The following TTC28 variants were observed in gnomAD, a reference collection of about 807,000 sequenced individuals.
The protein encoded by TTC28 is tetratricopeptide repeat protein 28.
Under a neutral mutation model 198.0 loss-of-function variants are expected in TTC28, and 61 were observed. The ratio of observed to expected loss-of-function variants is 0.31; its 90% CI spans 0.25 to 0.38. TTC28 has a LOEUF of 0.38. Among genes scored for constraint, TTC28 ranks in the 10% least tolerant of loss-of-function variants. TTC28 has a pLI of 1.00. For missense variants in TTC28, 2,678 were observed against 3,164.0 expected (o/e 0.85, Z 3.69); for synonymous variants, 1,171 against 1,297.8 (o/e 0.90, Z 2.10).
At position 27,993,480 on chromosome 22, in the gene TTC28, G is replaced by C. The variant is rs868552241; in HGVS notation, c.5283C>G (p.Arg1761=). 1.3e-6 allele frequency: 2 copies of C among 1,550,566 alleles called. No homozygotes were observed. Among genetic ancestry groups the C allele is most frequent in the Middle Eastern group, 3.3e-4 (2 of 5,982 alleles). ...TCTGCTGGGATGTGTACATGGCATT[G>C]CGCTGCCCATTCTGGATGCGCTGCA... is the stretch of plus-strand genomic sequence containing the variant. The part of the protein sequence containing the change: ...KSLQRIQNGQ[R]NAMYTSQQSV... The change falls in exon 18 of 23, where the codon CGC becomes CGG. Residue 1761 remains arginine, a synonymous_variant. Coordinates refer to ENST00000397906, the MANE Select transcript of TTC28 (RefSeq NM_001145418.2).
chr22:28,612,926 G>T (rs1426365069), intron 2 of TTC28, among the ~76,000 whole-genome samples: 1 of 152,008 alleles, frequency 6.6e-6, no homozygotes, highest in Admixed American at 6.6e-5. Flanking sequence ...AAAAGAACTA[G>T]AGAAGCAAGA....
intron 5 of TTC28, among the ~76,000 whole-genome samples, chr22:28,209,569 G>A (rs548719731): frequency 1.3e-5 from 2 of 152,326 alleles, no homozygotes; most frequent in South Asian, 4.1e-4. Flanking sequence ...TGAACTGCAA[G>A]GCAGCAGCGA....
intron 6 of TTC28, among the ~76,000 whole-genome samples, chr22:28,128,160 A>C (rs887871271): frequency 3.9e-5 from 6 of 152,128 alleles, no homozygotes; most frequent in African/African-American, 1.4e-4. Context: ...TTCCTGTTAG[A>C]AAGTACAGTA....
intron 2 of TTC28, among the ~76,000 whole-genome samples, chr22:28,583,229 A>C (rs991595628): frequency 6.6e-6 from 1 of 152,232 alleles, no homozygotes; most frequent in Non-Finnish European, 1.5e-5. Context: ...CATCATAAAA[A>C]AGATTGATGT....
chr22:28,223,531 A>G (rs182894065), intron 5 of TTC28, among the ~76,000 whole-genome samples: 1 of 152,332 alleles, frequency 6.6e-6, no homozygotes, highest in Admixed American at 6.5e-5. Context: ...TATCTGAACT[A>G]GATTTGATCT....
intron 16 of TTC28, 105 bp from the exon 17 acceptor site, chr22:27,996,364 A>G: frequency 1.4e-6 from 2 of 1,465,284 alleles, no homozygotes; most frequent in Non-Finnish European, 1.8e-6. Flanking sequence ...CAGCAGAAAG[A>G]GCAGGGCCTG....
At chr22:28,544,876 T>C (rs73430136) in intron 2 of TTC28, among the ~76,000 whole-genome samples, 15,191 of 152,220 alleles carry the variant, frequency 0.1, 863 homozygotes, top group African/African-American at 0.12. Context: ...GTTTCAGGAA[T>C]TGCCCACCTC....
intron 12 of TTC28, among the ~76,000 whole-genome samples, chr22:28,065,027 C>T (rs747391081): frequency 9.8e-4 from 149 of 152,174 alleles, no homozygotes; most frequent in Admixed American, 4.1e-3. Flanking sequence ...ATACATTATA[C>T]ATAGGAATGC....
At chr22:28,117,761 T>C (rs1167383809) in intron 6 of TTC28, among the ~76,000 whole-genome samples, 6 of 152,210 alleles carry the variant, frequency 3.9e-5, no homozygotes, top group African/African-American at 1.4e-4. Flanking sequence ...AGAAATTTCT[T>C]TTAGAATTCA....
At position 28,378,577 on chromosome 22, in the gene TTC28, G is replaced by T. The variant is rs189986046; in HGVS notation, c.382-71934C>A. On this transcript the variant is annotated intron_variant, in intron 2 of 22. Transcript: ENST00000397906. ...GCAGGAGGATCACCTGACCCCAGAG[G>T]TTGGGGCTGCAATGAGTTATGACTG... 2.3e-3 allele frequency among the ~76,000 whole-genome samples: 343 copies of T among 151,952 alleles called. 1 individual carries two copies. The highest frequency in any genetic ancestry group is 3.8e-3 in the Non-Finnish European group (257 of 67,980).
chr22:28,327,211 T>C (rs1316315019), intron 2 of TTC28, among the ~76,000 whole-genome samples: 1 of 152,192 alleles, frequency 6.6e-6, no homozygotes, highest in African/African-American at 2.4e-5. Context: ...ATATGTGCAG[T>C]TGATCTTATT....
intron 2 of TTC28, among the ~76,000 whole-genome samples, chr22:28,325,478 G>T (rs1303353414): frequency 6.6e-6 from 1 of 152,142 alleles, no homozygotes; most frequent in Admixed American, 6.5e-5. Flanking sequence ...CATAAAGGAA[G>T]TTTTACAAGC....
At position 27,983,371 on chromosome 22, in the gene TTC28, G is replaced by A; in HGVS notation, c.6296C>T (p.Ser2099Phe). ...ATTTGGAGTGCTGATGCTCCCTTTG[G>A]AGCTCACCGAGACTCTCATGCCTCC... ...TAGGMRVSVS[S>F]KGSISTPNSP... Residue 2099 changes from serine to phenylalanine, a missense_variant, in exon 23 of 23, where the codon TCC becomes TTC. Physicochemically the swap from Ser to Phe is radical, Grantham distance 155. Transcript: ENST00000397906. The A allele has an allele frequency of 6.4e-7, 1 of 1,551,286 alleles. No individual in the cohort carries two copies.
chr22:28,184,804 T>C (rs1286868158), intron 5 of TTC28, among the ~76,000 whole-genome samples: 1 of 152,092 alleles, frequency 6.6e-6, no homozygotes, highest in Non-Finnish European at 1.5e-5. Context: ...TCAAAGGAAA[T>C]ATGTTCAGTA....
At chr22:28,190,289 C>T (rs1014560266) in intron 5 of TTC28, among the ~76,000 whole-genome samples, 10 of 152,194 alleles carry the variant, frequency 6.6e-5, no homozygotes, top group Non-Finnish European at 1.3e-4. Flanking sequence ...CAATTCTACA[C>T]GACAGATAAT....
chr22:28,454,622 C>G (rs1019370981), intron 2 of TTC28, among the ~76,000 whole-genome samples: 2 of 152,128 alleles, frequency 1.3e-5, no homozygotes, highest in Non-Finnish European at 2.9e-5. Context: ...CCAATAATGT[C>G]TTTTATTGCA....
At chr22:28,603,472 C>T (rs1052145974) in intron 2 of TTC28, among the ~76,000 whole-genome samples, 2 of 152,012 alleles carry the variant, frequency 1.3e-5, no homozygotes, top group Admixed American at 1.3e-4. Context: ...ACTGCAACTT[C>T]GGACTCAGAG....
At chr22:28,400,626 C>A (rs2046892165) in intron 2 of TTC28, among the ~76,000 whole-genome samples, 1 of 152,090 alleles carries the variant, frequency 6.6e-6, no homozygotes, top group African/African-American at 2.4e-5. Flanking sequence ...TAAAGCAAAA[C>A]AAAATCCTTT....
At chr22:28,435,644 C>T (rs1293050144) in intron 2 of TTC28, among the ~76,000 whole-genome samples, 1 of 152,148 alleles carries the variant, frequency 6.6e-6, no homozygotes, top group Non-Finnish European at 1.5e-5. Flanking sequence ...GCCAATTAAA[C>T]TCTGTAGCCT....
Sources: gnomAD v4.1 joint callset for allele counts (sites outside exome capture counted in the v4.1 genomes callset) on GRCh38, gnomAD v4.1.1 for gene constraint, MANE v1.5 for transcripts, NCBI Gene and HGNC (gene_info 2026-07-23, HGNC 2026-07-21) for gene names.